Variants in SMAD3 observed in about 807,000 individuals in gnomAD.
SMAD3 encodes SMAD family member 3.
In SMAD3, 12 loss-of-function variants were observed where a neutral mutation model predicts 51.8. That is an observed-to-expected ratio of 0.23 (90% confidence interval 0.15 to 0.38). The LOEUF is 0.38. Ranked by LOEUF, SMAD3 falls within the 10% of genes least tolerant of loss-of-function variation. The probability of loss-of-function intolerance (pLI) is 1.00; values close to 1 mark genes in which losing one functional copy is unlikely to be tolerated. For synonymous variants in SMAD3, 238 were observed against 227.7 expected (o/e 1.05, Z -0.41); for missense variants, 294 against 565.6 (o/e 0.52, Z 4.87).
At chr15:67,116,929 A>G (rs1233974339) in intron 1 of SMAD3, among the ~76,000 whole-genome samples, 1 of 152,146 alleles carries the variant, frequency 6.6e-6, no homozygotes. Flanking sequence ...GATAAATGCA[A>G]TGTTTATCTT....
intron 1 of SMAD3, chr15:67,142,910 G>A (rs896636507): frequency 4.8e-5 from 21 of 440,544 alleles, no homozygotes; most frequent in African/African-American, 1.2e-4. Flanking sequence ...CTGCATACCC[G>A]TCGGCTCACT....
intron 6 of SMAD3, among the ~76,000 whole-genome samples, chr15:67,184,282 G>GT (rs1963161290): frequency 6.6e-6 from 1 of 151,714 alleles, no homozygotes; most frequent in Non-Finnish European, 1.5e-5. Flanking sequence ...AAAAAAAAAT[G>GT]TTTTTGTAGA....
chr15:67,166,417 G>C (rs1231465756), intron 3 of SMAD3: 1 of 419,276 alleles, frequency 2.4e-6, no homozygotes, highest in African/African-American at 2.0e-5. Flanking sequence ...CAGATCTTCA[G>C]AGGACAGAAA....
intron 1 of SMAD3, among the ~76,000 whole-genome samples, chr15:67,131,715 G>C (rs1288884751): frequency 1.3e-5 from 2 of 152,100 alleles, no homozygotes; most frequent in Non-Finnish European, 2.9e-5. Context: ...CTGTGACCAG[G>C]GTTGAGTCCT....
chr15:67,177,008 T>C (rs1962917202), intron 5 of SMAD3, among the ~76,000 whole-genome samples: 2 of 152,192 alleles, frequency 1.3e-5, no homozygotes, highest in South Asian at 4.1e-4. Flanking sequence ...CCGTAGTCAT[T>C]CTCCTAGAGG....
intron 1 of SMAD3, among the ~76,000 whole-genome samples, chr15:67,105,498 G>T (rs971698420): frequency 6.6e-6 from 1 of 152,232 alleles, no homozygotes; most frequent in Admixed American, 6.5e-5. Context: ...GAATGCTGAG[G>T]CAGGGCTGAG....
At chr15:67,079,681 G>C (rs185715227) in intron 1 of SMAD3, among the ~76,000 whole-genome samples, 1 of 152,180 alleles carries the variant, frequency 6.6e-6, no homozygotes, top group East Asian at 1.9e-4. Context: ...CAGTACTCTG[G>C]GTACTTATGT....
chr15:67,161,648 C>G (rs754025799), intron 1 of SMAD3, among the ~76,000 whole-genome samples: 11 of 152,226 alleles, frequency 7.2e-5, no homozygotes, highest in Non-Finnish European at 1.5e-4. Context: ...ACTTCCCACT[C>G]TCCCTTTTAC....
intron 1 of SMAD3, among the ~76,000 whole-genome samples, chr15:67,115,125 C>T (rs1048447406): frequency 1.3e-5 from 2 of 152,190 alleles, no homozygotes; most frequent in East Asian, 1.9e-4. Context: ...CAGTGCTCTG[C>T]CCTAGGCCTT....
Position 67,138,024 on chromosome 15 carries a change from A to G in SMAD3, c.207-26871A>G, listed in dbSNP as rs1961709356. The G allele has an allele frequency of 2.6e-6, 4 of 1,551,504 alleles. No homozygotes were observed. In the South Asian group the frequency reaches 3.6e-5, roughly 14 times the overall value. On this transcript the variant is annotated intron_variant, in intron 1 of 8. Transcript: ENST00000327367. ...GTCCCTGTGACCTCCCAACTTCACA[A>G]ACATGTCTTGCCTGCACCCTAGGCA...
intron 1 of SMAD3, among the ~76,000 whole-genome samples, chr15:67,085,863 AGC>A (rs1960376763): frequency 1.7e-5 from 2 of 118,700 alleles, no homozygotes; most frequent in South Asian, 6.2e-4. Flanking sequence ...TCAAAAAAAA[AGC>A]GTGCACACAC....
Position 67,165,082 on chromosome 15 carries a change from A to G in SMAD3, c.394A>G (p.Thr132Ala), listed in dbSNP as rs371876622. 1.4e-5 allele frequency: 23 copies of G among 1,614,048 alleles called. No individual in the cohort carries two copies. The highest frequency in any genetic ancestry group is 1.9e-5 in the Non-Finnish European group (23 of 1,180,026). The change falls in exon 2 of 9, where the codon ACA (threonine) becomes GCA (alanine). Residue 132 changes from threonine to alanine, a missense_variant. By Grantham distance (58) the Thr-to-Ala change is moderately conservative. Around this residue, in one of 3 missense-constraint regions of SMAD3, gnomAD observed 147 missense variants for 260.9 expected, o/e 0.56. Coordinates refer to ENST00000327367, the MANE Select transcript of SMAD3 (RefSeq NM_005902.4). ...VNPYHYQRVE[T>A]PVLPPVLVPR... is the part of the protein sequence containing the mutation. Reference sequence around the variant, plus strand: ...TCCCTACCACTACCAGAGAGTAGAGACACCAGGTATGCTGCCTGGCCTGCC... The same window carrying G: ...TCCCTACCACTACCAGAGAGTAGAGGCACCAGGTATGCTGCCTGGCCTGCC...
intron 1 of SMAD3, among the ~76,000 whole-genome samples, chr15:67,095,148 G>A (rs1321775612): frequency 6.6e-6 from 1 of 152,150 alleles, no homozygotes. Flanking sequence ...AGATGGCTGC[G>A]TGCTCACCTC....
intron 1 of SMAD3, among the ~76,000 whole-genome samples, chr15:67,088,125 G>T (rs756816466): frequency 6.6e-6 from 1 of 152,204 alleles, no homozygotes; most frequent in Non-Finnish European, 1.5e-5. Flanking sequence ...CACCTTTATC[G>T]CAGGAGGAGT....
intron 1 of SMAD3, among the ~76,000 whole-genome samples, chr15:67,071,221 A>G (rs961538194): frequency 1.3e-5 from 2 of 152,200 alleles, no homozygotes; most frequent in African/African-American, 4.8e-5. Flanking sequence ...ATCCAAAGGA[A>G]GCTTTTTGGA....
intron 1 of SMAD3, among the ~76,000 whole-genome samples, chr15:67,067,073 C>T (rs971233827): frequency 1.3e-5 from 2 of 151,838 alleles, no homozygotes; most frequent in Non-Finnish European, 2.9e-5. Flanking sequence ...CCCACCCCCC[C>T]ATCCCGACTC....
chr15:67,093,697 T>G (rs1363934071), intron 1 of SMAD3, among the ~76,000 whole-genome samples: 1 of 152,188 alleles, frequency 6.6e-6, no homozygotes, highest in Admixed American at 6.5e-5. Flanking sequence ...AAAGAGGAAC[T>G]GGGTCGGGGT....
intron 1 of SMAD3, among the ~76,000 whole-genome samples, chr15:67,122,472 C>G (rs1346318437): frequency 6.6e-6 from 1 of 152,184 alleles, no homozygotes; most frequent in East Asian, 1.9e-4. Context: ...ATTTATGGAG[C>G]TGGTGATCTC....
Position 67,194,679 on chromosome 15 carries a change from T to A in SMAD3, c.*4143T>A, listed in dbSNP as rs1963457510. On this transcript the variant is annotated 3_prime_UTR_variant, in exon 9 of 9. Coordinates refer to ENST00000327367, the MANE Select transcript of SMAD3 (RefSeq NM_005902.4). Reference sequence around the variant, plus strand: ...GGGCACAGCCAGTTCTGAATGTTGGTGGAGGGTGTAGTGGCTTTTTGGCTC... The same window carrying A: ...GGGCACAGCCAGTTCTGAATGTTGGAGGAGGGTGTAGTGGCTTTTTGGCTC... The A allele has an allele frequency of 8.6e-6, 2 of 232,046 alleles. No homozygotes were observed. The highest frequency in any genetic ancestry group is 1.7e-5 in the Non-Finnish European group (2 of 117,180). 14.4% of individuals were successfully genotyped at this position (232,046 alleles called of 1,614,324 possible).
Sources: gnomAD v4.1 joint callset for allele counts (sites outside exome capture counted in the v4.1 genomes callset) on GRCh38, gnomAD v4.1.1 for gene constraint, gnomAD v4.1.1 regional missense constraint, MANE v1.5 for transcripts, NCBI Gene and HGNC (gene_info 2026-07-23, HGNC 2026-07-21) for gene names.